MAP4: variants seen among roughly 807,000 people sequenced by gnomAD.
MAP4 encodes microtubule associated protein 4.
Under a neutral mutation model 170.2 loss-of-function variants are expected in MAP4, and 76 were observed. The ratio of observed to expected loss-of-function variants is 0.45; its 90% CI spans 0.37 to 0.54. The LOEUF (loss-of-function observed/expected upper bound fraction) is 0.54, where lower values mean the gene tolerates loss of function less well. Among genes scored for constraint, MAP4 ranks in the 20% least tolerant of loss-of-function variants. The pLI is 0.00. For missense variants in MAP4, 2,506 were observed against 2,748.0 expected (o/e 0.91, Z 1.97); for synonymous variants, 909 against 994.5 (o/e 0.91, Z 1.62).
chr3:47,914,981 T>C (rs1267001298), intron 7 of MAP4, 42 bp from the exon 8 acceptor site: 55 of 1,611,716 alleles, frequency 3.4e-5, no homozygotes, highest in Non-Finnish European at 4.6e-5. Context: ...CAGAGAAGCA[T>C]GATTTCAGCT....
intron 1 of MAP4, among the ~76,000 whole-genome samples, chr3:48,043,203 C>T (rs1326791278): frequency 6.6e-6 from 1 of 152,156 alleles, no homozygotes; most frequent in East Asian, 1.9e-4. Context: ...TGAGTTCAAG[C>T]GATTCTTGTG....
chr3:47,935,695 G>A lies in MAP4; in HGVS notation c.293-7345C>T, dbSNP rs964603741. ...CTCACACCTGTAATCCCAGCACTTT[G>A]AGAGGCTGAGACGGGTGGATCACCT... On this transcript the variant is annotated intron_variant, in intron 3 of 20. Coordinates refer to ENST00000683076, the MANE Select transcript of MAP4 (RefSeq NM_001385682.1). Among the ~76,000 whole-genome samples, 9 of 152,028 alleles carry A rather than the reference G, an allele frequency of 5.9e-5. No individual in the cohort carries two copies. The East Asian group carries it at 1.7e-3, about 29-fold the overall frequency.
At chr3:47,936,031 C>T (rs1047899705) in intron 3 of MAP4, among the ~76,000 whole-genome samples, 1 of 151,462 alleles carries the variant, frequency 6.6e-6, no homozygotes, top group Non-Finnish European at 1.5e-5. Context: ...CTGCCAGTGG[C>T]CATCTTTCTC....
chr3:47,973,674 C>A, intron 3 of MAP4: 2 of 985,154 alleles, frequency 2.0e-6, no homozygotes, highest in Non-Finnish European at 2.4e-6. Context: ...AAAGTCATAC[C>A]CAGGCTTCTC....
chr3:47,911,561 G>A lies in MAP4; in HGVS notation c.2860C>T (p.Gln954Ter). ...LKEGCSPFLD[Q>*]EVMGVVSKPT... ...TTTGAAACTACACCCATAACCTCTT[G>A]GTCCAAGAAAGGAGAGCAACCCTCT... Residue 954 changes from glutamine (Q) to a stop codon, truncating the protein, a stop_gained, in exon 9 of 21, where the codon CAA (glutamine) becomes TAA (stop). Coordinates refer to ENST00000683076, the MANE Select transcript of MAP4 (RefSeq NM_001385682.1). LOFTEE classifies it high-confidence loss of function. The surrounding 1 kb of genome is among the most constrained non-coding windows in gnomAD (Gnocchi z 4.0). 2 of 1,535,914 alleles carry A rather than the reference G, an allele frequency of 1.3e-6. No homozygotes were observed. The highest frequency in any genetic ancestry group is 2.4e-5 in the South Asian group (2 of 84,056).
chr3:47,948,690 C>T (rs1252645343), intron 3 of MAP4, among the ~76,000 whole-genome samples: 2 of 151,892 alleles, frequency 1.3e-5, no homozygotes, highest in African/African-American at 2.4e-5. Flanking sequence ...GGCGCAATCT[C>T]GGCTCACTGC....
chr3:47,916,723 C>T lies in MAP4; in HGVS notation c.1104G>A (p.Lys368=). Residue 368 remains lysine, a synonymous_variant, in exon 7 of 21, where the codon AAG becomes AAA. Transcript: ENST00000683076. ...TGTTTTCTTTGGGTGGTCCCATGTC[C>T]TTGGAAGGGGCTAAGTCCATTTTTA... ...SPIKMDLAPS[K]DMGPPKENKK... 2 of 1,613,984 alleles carry T rather than the reference C, an allele frequency of 1.2e-6. No homozygotes were observed. The highest frequency in any genetic ancestry group is 1.7e-6 in the Non-Finnish European group (2 of 1,179,996).
intron 10 of MAP4, among the ~76,000 whole-genome samples, chr3:47,881,497 T>TGC (rs1241216271): frequency 1.3e-4 from 13 of 98,836 alleles, no homozygotes; most frequent in Non-Finnish European, 2.3e-4. Context: ...TATATATATA[T>TGC]GCATAATCAT....
intron 3 of MAP4, among the ~76,000 whole-genome samples, chr3:47,951,762 CGG>C (rs2100064106): frequency 6.6e-6 from 1 of 151,956 alleles, no homozygotes; most frequent in African/African-American, 2.4e-5. Flanking sequence ...AGCCTCTGCC[CGG>C]CAGCCACCCC....
intron 9 of MAP4, among the ~76,000 whole-genome samples, chr3:47,904,829 G>A (rs895913481): frequency 6.2e-5 from 9 of 145,014 alleles, no homozygotes; most frequent in East Asian, 2.1e-4. Flanking sequence ...AACATCATGC[G>A]TGGCTACTTT....
chr3:47,955,770 G>C (rs2154135881), intron 3 of MAP4, among the ~76,000 whole-genome samples: 1 of 152,308 alleles, frequency 6.6e-6, no homozygotes, highest in East Asian at 1.9e-4. Context: ...AAGGTTGACA[G>C]TTTAGAGTGG....
intron 1 of MAP4, among the ~76,000 whole-genome samples, chr3:48,078,516 T>A (rs139374733): frequency 1.2e-3 from 188 of 152,100 alleles, no homozygotes; most frequent in African/African-American, 4.2e-3. Context: ...TCAACTTTTT[T>A]AAATGTGGAA....
Position 47,909,114 on chromosome 3 carries a change from C to T in MAP4, c.5307G>A (p.Lys1769=). The stretch of plus-strand genomic sequence containing the variant: ...GCAAAAGTGGAGTAAGTCCTCGGGA[C>T]TTGGTGGGTCTCATGTAGCCTTTCA... ...EPMKGYMRPT[K]SRGLTPLLPK... Residue 1769 remains lysine, a synonymous_variant, in exon 9 of 21, where the codon AAG becomes AAA. Transcript: ENST00000683076. 1 of 1,613,986 alleles carries T rather than the reference C, an allele frequency of 6.2e-7. No individual in the cohort carries two copies. The highest frequency in any genetic ancestry group is 8.5e-7 in the Non-Finnish European group (1 of 1,179,868).
intron 1 of MAP4, among the ~76,000 whole-genome samples, chr3:48,051,494 C>T (rs1240769426): frequency 1.3e-5 from 2 of 152,184 alleles, no homozygotes; most frequent in African/African-American, 4.8e-5. Context: ...ACCATTGAGA[C>T]TCTTAAATTT....
chr3:47,997,749 T>C (rs2100096759), intron 2 of MAP4, among the ~76,000 whole-genome samples: 1 of 150,842 alleles, frequency 6.6e-6, no homozygotes, highest in South Asian at 2.1e-4. Context: ...CATCACAAAT[T>C]ACTAGTATAA....
chr3:48,012,268 G>C (rs2100105676), intron 1 of MAP4, among the ~76,000 whole-genome samples: 1 of 151,974 alleles, frequency 6.6e-6, no homozygotes, highest in South Asian at 2.1e-4. Context: ...CTCTCTTTTT[G>C]CTAAGAGCTT....
rs1319121982 is a variant in MAP4 at position 47,905,973 on chromosome 3, A to C, written c.5384-2973T>G. On this transcript the variant is annotated intron_variant, in intron 9 of 20. Transcript: ENST00000683076. ...CGTGCCATTGCACTCCAGCCTGGGC[A>C]ACAAGAGTGAAACTCCATCTCAAAA... Among the ~76,000 whole-genome samples the C allele has an allele frequency of 2.0e-5, 3 of 152,072 alleles. No individual in the cohort carries two copies. The East Asian group carries it at 5.8e-4, about 29-fold the overall frequency.
chr3:47,892,264 C>T, intron 10 of MAP4: 1 of 1,536,356 alleles, frequency 6.5e-7, no homozygotes, highest in Non-Finnish European at 8.7e-7. Context: ...AAAAGCAGAG[C>T]TTGTTCTGCT....
At position 47,875,805 on chromosome 3, in the gene MAP4, A is replaced by G. The variant is rs771599834; in HGVS notation, c.5637T>C (p.Gly1879=). Residue 1879 remains glycine (G), a synonymous_variant, in exon 12 of 21, where the codon GGT becomes GGC. Coordinates refer to ENST00000683076, the MANE Select transcript of MAP4 (RefSeq NM_001385682.1). Reference sequence around the variant, plus strand: ...GGCTCATGGGTTTTTTATTCAACCCACCAATGGTGGTGGGAGCTGGCTGCT... The same window carrying G: ...GGCTCATGGGTTTTTTATTCAACCCGCCAATGGTGGTGGGAGCTGGCTGCT... ...LPKQPAPTTI[G]GLNKKPMSLA... 33 of 1,614,010 alleles carry G rather than the reference A, an allele frequency of 2.0e-5. No homozygotes were observed. The highest frequency in any genetic ancestry group is 2.5e-5 in the Non-Finnish European group (30 of 1,179,986).
Sources: allele counts gnomAD v4.1 joint callset (sites outside exome capture counted in the v4.1 genomes callset), GRCh38; gene constraint gnomAD v4.1.1; non-coding constraint Gnocchi (gnomAD v3.1); transcripts MANE v1.5; gene names NCBI Gene and HGNC (gene_info 2026-07-23, HGNC 2026-07-21).